FBXL7: variants seen among roughly 807,000 people sequenced by gnomAD.
The protein encoded by FBXL7 is F-box/LRR-repeat protein 7.
FBXL7 carries 12 observed loss-of-function variants against 38.3 expected under a neutral mutation model. The ratio of observed to expected loss-of-function variants is 0.31; its 90% CI spans 0.20 to 0.51. The LOEUF (loss-of-function observed/expected upper bound fraction) is 0.51. Among genes scored for constraint, FBXL7 ranks in the 20% least tolerant of loss-of-function variants. The pLI is 0.98. For missense variants in FBXL7, 567 were observed against 676.4 expected, an observed-to-expected ratio of 0.84 and a Z score of 1.79; for synonymous variants, 297 against 300.9, an observed-to-expected ratio of 0.99 and a Z score of 0.13.
At chr5:15,897,360 G>T (rs1272287031) in intron 2 of FBXL7, among the ~76,000 whole-genome samples, 1 of 152,176 alleles carries the variant, frequency 6.6e-6, no homozygotes, top group Non-Finnish European at 1.5e-5. Context: ...CCTCTTAAGT[G>T]TGAGGCACTT....
At chr5:15,549,846 G>C (rs1419771207) in intron 1 of FBXL7, among the ~76,000 whole-genome samples, 1 of 152,156 alleles carries the variant, frequency 6.6e-6, no homozygotes, top group African/African-American at 2.4e-5. Context: ...GGTCCCTATG[G>C]AGAACCTTTT....
chr5:15,670,937 A>G (rs1211664662), intron 2 of FBXL7, among the ~76,000 whole-genome samples: 1 of 152,214 alleles, frequency 6.6e-6, no homozygotes, highest in Non-Finnish European at 1.5e-5. Context: ...CTTTCCAAAC[A>G]TCCTCAGCTC....
At chr5:15,643,950 A>C (rs1211146963) in intron 2 of FBXL7, among the ~76,000 whole-genome samples, 2 of 152,130 alleles carry the variant, frequency 1.3e-5, no homozygotes, top group East Asian at 1.9e-4. Context: ...AGCCAAGATA[A>C]ATGATTTTTG....
chr5:15,760,178 C>T (rs1328071053), intron 2 of FBXL7, among the ~76,000 whole-genome samples: 4 of 151,978 alleles, frequency 2.6e-5, no homozygotes, highest in Admixed American at 1.3e-4. Context: ...GGGTAAGAGT[C>T]AGCTGTTCTC....
chr5:15,585,607 T>C (rs1449556274), intron 1 of FBXL7, among the ~76,000 whole-genome samples: 1 of 152,236 alleles, frequency 6.6e-6, no homozygotes, highest in Non-Finnish European at 1.5e-5. Context: ...CTCATGATTG[T>C]ATGCCTGAGC....
intron 1 of FBXL7, among the ~76,000 whole-genome samples, chr5:15,552,084 C>T (rs1738090911): frequency 6.6e-6 from 1 of 152,158 alleles, no homozygotes; most frequent in South Asian, 2.1e-4. Context: ...GTTTGATGTT[C>T]ACAAAAGTTT....
At chr5:15,576,851 C>T (rs943736804) in intron 1 of FBXL7, among the ~76,000 whole-genome samples, 1 of 152,134 alleles carries the variant, frequency 6.6e-6, no homozygotes, top group African/African-American at 2.4e-5. Context: ...CTCTGATTAT[C>T]TGTTTATCTG....
intron 2 of FBXL7, among the ~76,000 whole-genome samples, chr5:15,913,311 A>G (rs561164775): frequency 6.6e-6 from 1 of 150,836 alleles, no homozygotes; most frequent in African/African-American, 2.4e-5. Flanking sequence ...GTACATGTGC[A>G]CATTGTGCAG....
At chr5:15,627,862 C>T (rs906088170) in intron 2 of FBXL7, among the ~76,000 whole-genome samples, 1 of 152,158 alleles carries the variant, frequency 6.6e-6, no homozygotes, top group Non-Finnish European at 1.5e-5. Context: ...AATAACTTCT[C>T]ATGGATAAAC....
chr5:15,655,891 G>C (rs897528705), intron 2 of FBXL7, among the ~76,000 whole-genome samples: 1 of 152,176 alleles, frequency 6.6e-6, no homozygotes, highest in African/African-American at 2.4e-5. Context: ...TACTGTTATT[G>C]TATCTGGAGT....
intron 1 of FBXL7, among the ~76,000 whole-genome samples, chr5:15,520,921 C>T (rs909479029): frequency 6.6e-6 from 1 of 152,206 alleles, no homozygotes; most frequent in East Asian, 1.9e-4. Context: ...TAAAGCAGGA[C>T]AGACATCTGT....
intron 2 of FBXL7, among the ~76,000 whole-genome samples, chr5:15,850,344 C>T (rs1739055019): frequency 6.6e-6 from 1 of 152,126 alleles, no homozygotes; most frequent in African/African-American, 2.4e-5. Context: ...ATATTCTTTC[C>T]CAGTTGGGCT....
At chr5:15,699,276 G>A (rs542582999) in intron 2 of FBXL7, among the ~76,000 whole-genome samples, 9 of 152,280 alleles carry the variant, frequency 5.9e-5, no homozygotes, top group African/African-American at 2.2e-4. Context: ...CAGTTCTGGA[G>A]GCTAGAAGTC....
intron 2 of FBXL7, among the ~76,000 whole-genome samples, chr5:15,916,089 C>G (rs1741576650): frequency 6.6e-6 from 1 of 152,016 alleles, no homozygotes; most frequent in African/African-American, 2.4e-5. Context: ...ATGAGTTCAC[C>G]CTTGTACACA....
intron 2 of FBXL7, among the ~76,000 whole-genome samples, chr5:15,746,408 A>T (rs896792457): frequency 6.6e-6 from 1 of 152,180 alleles, no homozygotes; most frequent in Non-Finnish European, 1.5e-5. Flanking sequence ...TGGGTGGGTT[A>T]TACACTATGG....
chr5:15,605,287 G>A (rs1037821976), intron 1 of FBXL7, among the ~76,000 whole-genome samples: 3 of 152,090 alleles, frequency 2.0e-5, no homozygotes, highest in African/African-American at 4.8e-5. Context: ...CCAGCACTCC[G>A]TCATTGCAGC....
intron 2 of FBXL7, among the ~76,000 whole-genome samples, chr5:15,680,649 TTGCTGAAGCCCAGTTACG>T (rs1742815799): frequency 6.6e-6 from 1 of 152,200 alleles, no homozygotes; most frequent in African/African-American, 2.4e-5. Context: ...CCATAAATGG[TTGCTGAAGCCCAGTTACG>T]TCATGAGTGT....
chr5:15,509,216 T>A (rs2126353123), intron 1 of FBXL7, among the ~76,000 whole-genome samples: 1 of 152,296 alleles, frequency 6.6e-6, no homozygotes, highest in African/African-American at 2.4e-5. Context: ...GTGGCAGTTC[T>A]TCCTCCTGGT....
chr5:15,861,815 G>A (rs1012620860), intron 2 of FBXL7, among the ~76,000 whole-genome samples: 21 of 152,150 alleles, frequency 1.4e-4, no homozygotes, highest in Non-Finnish European at 1.8e-4. Flanking sequence ...TCTGAAAAAC[G>A]TGGCACATGC....
Sources: allele counts gnomAD v4.1 joint callset (sites outside exome capture counted in the v4.1 genomes callset), GRCh38; gene constraint gnomAD v4.1.1; transcripts MANE v1.5; gene names NCBI Gene and HGNC (gene_info 2026-07-23, HGNC 2026-07-21).